The following NKD1 variants were observed in gnomAD, a reference collection of about 807,000 sequenced individuals.
The protein encoded by NKD1 is protein naked cuticle homolog 1.
Under a neutral mutation model 56.0 loss-of-function variants are expected in NKD1, and 21 were observed. The observed-to-expected ratio is 0.38, with a 90% CI of 0.27 to 0.54. The LOEUF (loss-of-function observed/expected upper bound fraction) is 0.54. Among genes scored for constraint, NKD1 ranks in the 20% least tolerant of loss-of-function variants. The pLI, the probability that NKD1 is intolerant of heterozygous loss-of-function variation, is 0.82. For synonymous variants in NKD1, 263 were observed against 265.7 expected (o/e 0.99, Z 0.10); for missense variants, 578 against 642.7 (o/e 0.90, Z 1.09).
rs1412831378 is a variant in NKD1 at position 50,644,946 on chromosome 16, C to T, written c.*11165C>T. The T allele has an allele frequency of 1.3e-5, 2 of 152,210 alleles. No homozygotes were observed. The highest frequency in any genetic ancestry group is 2.9e-5 in the Non-Finnish European group (2 of 68,058). The allele number at this position is 152,210 out of a possible 1,614,324, so 9.4% of individuals were successfully genotyped here. A position where few individuals can be genotyped will look rare whatever the true frequency, so the allele number is the denominator to read the frequency against. ...TGCAGGCCAGTCTCTGTGGTGTGAC[C>T]ACCCCCCAGTGGCAAGGAGCTGCCA... On this transcript the variant is annotated 3_prime_UTR_variant, in exon 10 of 10. Transcript: ENST00000268459.
rs910190007 is a variant in NKD1, at chr16:50,639,638, C to T, written c.*5857C>T. The T allele has an allele frequency of 1.3e-5, 2 of 152,338 alleles. No individual in the cohort carries two copies. The highest frequency in any genetic ancestry group is 3.4e-3 in the Middle Eastern group (1 of 294). The allele number at this position is 152,338 out of a possible 1,614,324, so 9.4% of individuals were successfully genotyped here. On this transcript the variant is annotated 3_prime_UTR_variant, in exon 10 of 10. Transcript: ENST00000268459. Reference sequence around the variant, plus strand: ...ATGAGGCTGGCGGATTTAGTAAGAGCCCTCTGTGTTTGGGCTGAGTTCTTT... The same window carrying T: ...ATGAGGCTGGCGGATTTAGTAAGAGTCCTCTGTGTTTGGGCTGAGTTCTTT...
At chr16:50,550,662 G>A (rs1960362714) in intron 3 of NKD1, among the ~76,000 whole-genome samples, 4 of 152,110 alleles carry the variant, frequency 2.6e-5, no homozygotes, top group African/African-American at 9.7e-5. Context: ...TGGAGCTGCT[G>A]TCCCCTAGTA....
chr16:50,611,664 C>G (rs1029798420), intron 4 of NKD1, among the ~76,000 whole-genome samples: 1 of 152,188 alleles, frequency 6.6e-6, no homozygotes, highest in African/African-American at 2.4e-5. Context: ...CTGCAATGGT[C>G]CCTAACTTTG....
intron 4 of NKD1, among the ~76,000 whole-genome samples, chr16:50,612,083 G>T (rs754442553): frequency 6.6e-6 from 1 of 152,194 alleles, no homozygotes; most frequent in Non-Finnish European, 1.5e-5. Flanking sequence ...GTAGGGTCTG[G>T]CATGCTGTAT....
intron 3 of NKD1, among the ~76,000 whole-genome samples, chr16:50,560,207 C>A (rs1011890809): frequency 2.6e-5 from 4 of 152,244 alleles, no homozygotes; most frequent in Admixed American, 2.6e-4. Context: ...TCTCTGCTTC[C>A]TCCCTGCCCT....
Position 50,621,680 on chromosome 16 carries a change from C to T in NKD1, c.338C>T (p.Pro113Leu), listed in dbSNP as rs777177264. Residue 113 changes from proline (P) to leucine (L), a missense_variant, in exon 5 of 10, where the codon CCA becomes CTA. Coordinates refer to ENST00000268459, the MANE Select transcript of NKD1 (RefSeq NM_033119.5). Reference protein sequence around the residue: ...KKMERVSEPCPGSKKQLKFEE... With the variant: ...KKMERVSEPCLGSKKQLKFEE... The stretch of plus-strand genomic sequence containing the variant: ...ATGGAGAGAGTGAGCGAACCCTGCC[C>T]AGGCTCCAAGAAGCAGCTGAAGTTT... 6 of 1,613,804 alleles carry T rather than the reference C, an allele frequency of 3.7e-6. No homozygotes were observed. In the African/African-American group the frequency reaches 6.7e-5, roughly 18 times the overall value.
At chr16:50,595,701 C>T (rs1337605664) in intron 3 of NKD1, among the ~76,000 whole-genome samples, 1 of 152,188 alleles carries the variant, frequency 6.6e-6, no homozygotes, top group Non-Finnish European at 1.5e-5. Flanking sequence ...GGGTGAGGTA[C>T]AGGTGTGATG....
intron 3 of NKD1, among the ~76,000 whole-genome samples, chr16:50,599,115 G>T (rs1425390250): frequency 6.6e-6 from 1 of 152,126 alleles, no homozygotes; most frequent in Non-Finnish European, 1.5e-5. Flanking sequence ...GCCTTCTGGG[G>T]TGATGAGGCA....
In NKD1 at chr16:50,634,064, A is replaced by T. The variant is rs979831276; in HGVS notation, c.*283A>T. 1 of 293,848 alleles carries T rather than the reference A, an allele frequency of 3.4e-6. No individual in the cohort carries two copies. The highest frequency in any genetic ancestry group is 2.2e-5 in the African/African-American group (1 of 45,946). 18.2% of individuals were successfully genotyped at this position (293,848 alleles called of 1,614,324 possible). On this transcript the variant is annotated 3_prime_UTR_variant, in exon 10 of 10. Coordinates refer to ENST00000268459, the MANE Select transcript of NKD1 (RefSeq NM_033119.5). The stretch of plus-strand genomic sequence containing the variant: ...TCCCTCGGGGCTCGGGATCTGCAGC[A>T]TCTATGTGGATCAGCCCACACCCTT...
intron 3 of NKD1, among the ~76,000 whole-genome samples, chr16:50,567,264 C>T (rs1960781562): frequency 6.6e-6 from 1 of 152,226 alleles, no homozygotes; most frequent in Admixed American, 6.5e-5. Flanking sequence ...GAGCACCCAG[C>T]AGATGTACTC....
chr16:50,608,735 A>G (rs1961775256), intron 4 of NKD1, among the ~76,000 whole-genome samples: 1 of 152,204 alleles, frequency 6.6e-6, no homozygotes, highest in Non-Finnish European at 1.5e-5. Flanking sequence ...AGCATTACAC[A>G]CAGTGCCTAT....
chr16:50,592,442 A>G (rs1164593626), intron 3 of NKD1, among the ~76,000 whole-genome samples: 1 of 152,232 alleles, frequency 6.6e-6, no homozygotes, highest in Non-Finnish European at 1.5e-5. Flanking sequence ...GAGAAAATAC[A>G]GAGCCTGCAG....
chr16:50,569,649 A>G (rs1960839111), intron 3 of NKD1, among the ~76,000 whole-genome samples: 1 of 152,322 alleles, frequency 6.6e-6, no homozygotes. Flanking sequence ...GAAGATTAAG[A>G]GAATGGGTGA....
At position 50,623,234 on chromosome 16, in the gene NKD1, C is replaced by T. The variant is rs1962133121; in HGVS notation, c.366+1526C>T. On this transcript the variant is annotated intron_variant, in intron 5 of 9. Transcript: ENST00000268459. This position sits in a 1 kb window ranked among gnomAD's most constrained non-coding sequence, Gnocchi z 4.1. ...GGTCTCTGGTGACCGATCTTACCCC[C>T]TTTCCAGTGTCATCTCCCTGCCATG... is the stretch of plus-strand genomic sequence containing the variant. 6.6e-6 allele frequency among the ~76,000 whole-genome samples: 1 copy of T among 151,808 alleles called. No individual in the cohort carries two copies. Among genetic ancestry groups the T allele is most frequent in the African/African-American group, 2.4e-5 (1 of 41,356 alleles).
chr16:50,620,342 G>A (rs1681574997), intron 4 of NKD1, among the ~76,000 whole-genome samples: 1 of 152,170 alleles, frequency 6.6e-6, no homozygotes, highest in Non-Finnish European at 1.5e-5. Context: ...TGGTGGGAGT[G>A]TGGGATCGGA....
In NKD1 at chr16:50,552,728, G is replaced by A. The variant is rs188536370; in HGVS notation, c.192+3173G>A. Among the ~76,000 whole-genome samples, 6 of 152,352 alleles carry A rather than the reference G, an allele frequency of 3.9e-5. No homozygotes were observed. The East Asian group carries it at 1.2e-3, about 29-fold the overall frequency. On this transcript the variant is annotated intron_variant, in intron 3 of 9. Transcript: ENST00000268459. Reference sequence around the variant, plus strand: ...GGCGGGTTATGATGGGATTATAACTGTTGAACCTGGGAAGGAAGGGAACCT... The same window carrying A: ...GGCGGGTTATGATGGGATTATAACTATTGAACCTGGGAAGGAAGGGAACCT...
chr16:50,592,232 C>A (rs578132747), intron 3 of NKD1, among the ~76,000 whole-genome samples: 1 of 152,206 alleles, frequency 6.6e-6, no homozygotes, highest in Non-Finnish European at 1.5e-5. Context: ...TTGCTGCTGC[C>A]GCCGCCTGGG....
intron 3 of NKD1, among the ~76,000 whole-genome samples, chr16:50,591,584 A>G (rs987565494): frequency 1.3e-5 from 2 of 152,142 alleles, no homozygotes; most frequent in African/African-American, 2.4e-5. Context: ...CCCTCTTGCC[A>G]TGCTTCCTCT....
intron 3 of NKD1, among the ~76,000 whole-genome samples, chr16:50,560,783 A>C (rs1201421435): frequency 6.6e-6 from 1 of 152,030 alleles, no homozygotes; most frequent in Non-Finnish European, 1.5e-5. Context: ...TAGTTAAAAA[A>C]AATGTATACA....
Sources: gnomAD v4.1 joint callset for allele counts (sites outside exome capture counted in the v4.1 genomes callset) on GRCh38, gnomAD v4.1.1 for gene constraint, Gnocchi (gnomAD v3.1) non-coding constraint, MANE v1.5 for transcripts, NCBI Gene and HGNC (gene_info 2026-07-23, HGNC 2026-07-21) for gene names.